The following CENPW variants were observed in gnomAD, a reference collection of about 807,000 sequenced individuals.
CENPW encodes centromere protein W, also known as cancer-up-regulated gene 2 protein.
CENPW carries 3 observed loss-of-function variants against 11.1 expected under a neutral mutation model. That is an observed-to-expected ratio of 0.27 (90% confidence interval 0.12 to 0.70). The LOEUF (loss-of-function observed/expected upper bound fraction) is 0.70, where lower values mean the gene tolerates loss of function less well. Ranked by LOEUF, CENPW falls within the 30% of genes least tolerant of loss-of-function variation. CENPW has a pLI of 0.77. For missense variants in CENPW, 100 were observed against 105.6 expected (o/e 0.95, Z 0.23); for synonymous variants, 38 against 42.0 (o/e 0.91, Z 0.37).
At chr6:126,450,255 G>A in the CENPW span, among the ~76,000 whole-genome samples, 175 of 151,042 alleles carry the variant, frequency 1.2e-3, no homozygotes, top group Non-Finnish European at 1.9e-3. Context: ...AATCACTTTC[G>A]GCATTTGTTA....
At chr6:126,412,953 C>A in the CENPW span, among the ~76,000 whole-genome samples, 1 of 152,032 alleles carries the variant, frequency 6.6e-6, no homozygotes. Flanking sequence ...CAGTGTTCTT[C>A]CTATGATTTA....
the CENPW span, among the ~76,000 whole-genome samples, chr6:126,476,608 C>T: frequency 1.1e-4 from 16 of 152,012 alleles, no homozygotes; most frequent in African/African-American, 3.9e-4. Context: ...TATTTCTATT[C>T]CCAAAGACCT....
the CENPW span, among the ~76,000 whole-genome samples, chr6:126,414,845 A>G: frequency 6.6e-6 from 1 of 151,890 alleles, no homozygotes; most frequent in Non-Finnish European, 1.5e-5. Flanking sequence ...TTGAAAACAT[A>G]AACGAGATTG....
At chr6:126,459,419 C>T in the CENPW span, among the ~76,000 whole-genome samples, 18 of 151,348 alleles carry the variant, frequency 1.2e-4, no homozygotes, top group Non-Finnish European at 1.9e-4. Context: ...AATGCAAATA[C>T]GATTTACCTT....
At chr6:126,356,222 A>C in the CENPW span, among the ~76,000 whole-genome samples, 3 of 152,110 alleles carry the variant, frequency 2.0e-5, no homozygotes, top group Non-Finnish European at 4.4e-5. Flanking sequence ...CCAAGCCCTA[A>C]CTCATGTTAT....
the CENPW span, among the ~76,000 whole-genome samples, chr6:126,429,475 C>G: frequency 6.6e-6 from 1 of 151,910 alleles, no homozygotes; most frequent in Non-Finnish European, 1.5e-5. Context: ...TCTGTGGCAC[C>G]TCCCCCCAAC....
the CENPW span, among the ~76,000 whole-genome samples, chr6:126,400,806 T>C: frequency 1.3e-5 from 2 of 152,068 alleles, no homozygotes; most frequent in Non-Finnish European, 2.9e-5. Flanking sequence ...CTCACCTATG[T>C]CACATCTACT....
the CENPW span, among the ~76,000 whole-genome samples, chr6:126,363,304 G>A: frequency 6.6e-6 from 1 of 152,260 alleles, no homozygotes; most frequent in East Asian, 1.9e-4. Context: ...AGTTTTATTT[G>A]GCCCACATAG....
At chr6:126,419,145 A>G in the CENPW span, among the ~76,000 whole-genome samples, 2 of 152,158 alleles carry the variant, frequency 1.3e-5, no homozygotes, top group Non-Finnish European at 2.9e-5. Context: ...GCCTTGGCAA[A>G]GAATTACAAA....
chr6:126,394,538 A>G, the CENPW span, among the ~76,000 whole-genome samples: 1 of 151,998 alleles, frequency 6.6e-6, no homozygotes. Context: ...TAGTCTTTTC[A>G]TCTTTCTACT....
chr6:126,402,337 A>G, the CENPW span, among the ~76,000 whole-genome samples: 4 of 144,840 alleles, frequency 2.8e-5, no homozygotes, highest in African/African-American at 1.0e-4. Flanking sequence ...TCCCCTCTCC[A>G]TCTTTCTTCT....
the CENPW span, among the ~76,000 whole-genome samples, chr6:126,457,159 A>T: frequency 1.3e-5 from 2 of 151,536 alleles, no homozygotes; most frequent in African/African-American, 2.4e-5. Context: ...TGAAAAAAAA[A>T]TTGCTATTTG....
the CENPW span, among the ~76,000 whole-genome samples, chr6:126,463,031 A>G: frequency 1.3e-5 from 2 of 152,110 alleles, no homozygotes; most frequent in Admixed American, 6.6e-5. Context: ...AGGAAATAGC[A>G]TAAGATAGTG....
the CENPW span, among the ~76,000 whole-genome samples, chr6:126,445,617 CT>C: frequency 6.6e-6 from 1 of 150,958 alleles, no homozygotes; most frequent in Non-Finnish European, 1.5e-5. Flanking sequence ...AAGCAGTTAC[CT>C]AAATAAACTC....
At chr6:126,366,402 T>C in the CENPW span, among the ~76,000 whole-genome samples, 4 of 152,192 alleles carry the variant, frequency 2.6e-5, no homozygotes, top group Admixed American at 6.5e-5. Context: ...GAAGTTTCTG[T>C]TTTTAAAATT....
chr6:126,466,892 C>T, the CENPW span, among the ~76,000 whole-genome samples: 1 of 151,810 alleles, frequency 6.6e-6, no homozygotes, highest in Non-Finnish European at 1.5e-5. Context: ...TTCACAATTA[C>T]CACAAAAAGA....
At chr6:126,376,691 T>G in the CENPW span, among the ~76,000 whole-genome samples, 1 of 152,298 alleles carries the variant, frequency 6.6e-6, no homozygotes, top group African/African-American at 2.4e-5. Flanking sequence ...ACAAATCATG[T>G]TTTTAGATGT....
At chr6:126,442,064 C>T in the CENPW span, among the ~76,000 whole-genome samples, 3 of 151,758 alleles carry the variant, frequency 2.0e-5, no homozygotes, top group South Asian at 6.2e-4. Flanking sequence ...TTTACATTCC[C>T]ACTAACAGTG....
the CENPW span, among the ~76,000 whole-genome samples, chr6:126,369,309 T>G: frequency 6.6e-6 from 1 of 152,216 alleles, no homozygotes; most frequent in Non-Finnish European, 1.5e-5. Context: ...GTAGTGAGAT[T>G]GCTGGATCAA....
Sources: allele counts gnomAD v4.1 joint callset (sites outside exome capture counted in the v4.1 genomes callset), GRCh38; gene constraint gnomAD v4.1.1; transcripts MANE v1.5; gene names NCBI Gene and HGNC (gene_info 2026-07-23, HGNC 2026-07-21).